The following PRKAG2 variants were observed in gnomAD, a reference collection of about 807,000 sequenced individuals.
The protein encoded by PRKAG2 is protein kinase AMP-activated non-catalytic subunit gamma 2.
A neutral mutation model predicts 69.6 loss-of-function variants in PRKAG2; 26 were observed. That is an observed-to-expected ratio of 0.37 (90% CI 0.27 to 0.52). The LOEUF (loss-of-function observed/expected upper bound fraction) is 0.52. Among genes scored for constraint, PRKAG2 ranks in the 20% least tolerant of loss-of-function variants. The pLI, the probability that PRKAG2 is intolerant of heterozygous loss-of-function variation, is 0.90. For missense variants in PRKAG2, 557 were observed against 740.0 expected (o/e 0.75, Z 2.87); for synonymous variants, 293 against 285.0 (o/e 1.03, Z -0.28).
intron 1 of PRKAG2, among the ~76,000 whole-genome samples, chr7:151,874,108 T>TGTATATGTATATGAA (rs2080295255): frequency 3.5e-5 from 5 of 144,692 alleles, no homozygotes; most frequent in African/African-American, 1.0e-4. Flanking sequence ...ATGTATATGA[T>TGTATATGTATATGAA]GTATATGTAT....
chr7:151,713,172 G>A lies in PRKAG2; in HGVS notation c.467-37535C>T, dbSNP rs138139658. Among the ~76,000 whole-genome samples the A allele has an allele frequency of 1.8e-3, 274 of 152,346 alleles. 1 individual carries two copies. The highest frequency in any genetic ancestry group is 6.4e-3 in the African/African-American group (265 of 41,584). ...GACTCAAGGGCAAAACTCCCGGAAGGACAGGGGGTCATGGAAGAAGGAATT... is the reference window on the plus strand; with the variant it reads ...GACTCAAGGGCAAAACTCCCGGAAGAACAGGGGGTCATGGAAGAAGGAATT... On this transcript the variant is annotated intron_variant, in intron 3 of 15. Transcript: ENST00000287878.
At chr7:151,682,974 G>T (rs1192330949) in intron 3 of PRKAG2, among the ~76,000 whole-genome samples, 1 of 152,244 alleles carries the variant, frequency 6.6e-6, no homozygotes, top group African/African-American at 2.4e-5. Context: ...CTGGCCAAAG[G>T]ACAGACAGGT....
chr7:151,828,742 G>A lies in PRKAG2; in HGVS notation c.115-42201C>T, dbSNP rs1190644563. 6.6e-6 allele frequency among the ~76,000 whole-genome samples: 1 copy of A among 151,002 alleles called. No individual in the cohort carries two copies. Among genetic ancestry groups the A allele is most frequent in the African/African-American group, 2.4e-5 (1 of 40,990 alleles). On this transcript the variant is annotated intron_variant, in intron 1 of 15. Transcript: ENST00000287878. The surrounding 1 kb of genome is among the most constrained non-coding windows in gnomAD (Gnocchi z 4.6). The stretch of plus-strand genomic sequence containing the variant: ...TTGAGACCAGACTGGACAACACAGC[G>A]AGACCCTGTCTTTACAAAAAAAAAA...
intron 3 of PRKAG2, among the ~76,000 whole-genome samples, chr7:151,754,480 G>C (rs546577187): frequency 6.6e-6 from 1 of 151,160 alleles, no homozygotes; most frequent in African/African-American, 2.5e-5. Flanking sequence ...GCCAGTGAGC[G>C]GGGGGCCCAG....
intron 1 of PRKAG2, among the ~76,000 whole-genome samples, chr7:151,853,099 G>C (rs2079617657): frequency 6.6e-6 from 1 of 152,278 alleles, no homozygotes; most frequent in South Asian, 2.1e-4. Flanking sequence ...GTGTCCCTCG[G>C]AGAGCTCGGG....
At chr7:151,772,995 A>G (rs991441344) in intron 3 of PRKAG2, among the ~76,000 whole-genome samples, 1 of 11,024 alleles carries the variant, frequency 9.1e-5, no homozygotes, top group Non-Finnish European at 1.3e-4. Flanking sequence ...GAAAGAAAGA[A>G]AGAAAGAAAG....
At chr7:151,860,033 C>T (rs1436454897) in intron 1 of PRKAG2, among the ~76,000 whole-genome samples, 1 of 152,186 alleles carries the variant, frequency 6.6e-6, no homozygotes, top group Admixed American at 6.5e-5. Flanking sequence ...ACGGAGGTGG[C>T]CGGGCACCTG....
At chr7:151,628,167 G>A (rs531842314) in intron 5 of PRKAG2, among the ~76,000 whole-genome samples, 2 of 152,304 alleles carry the variant, frequency 1.3e-5, no homozygotes, top group South Asian at 2.1e-4. Context: ...GGGAGAGAAT[G>A]CGGACCGCTC....
At chr7:151,627,117 T>C (rs1823144332) in intron 5 of PRKAG2, among the ~76,000 whole-genome samples, 1 of 152,188 alleles carries the variant, frequency 6.6e-6, no homozygotes, top group Admixed American at 6.5e-5. Flanking sequence ...CCTGGTTTTA[T>C]AGAGAAAACT....
chr7:151,840,991 GATTA>G (rs1426331835), intron 1 of PRKAG2, among the ~76,000 whole-genome samples: 3 of 152,274 alleles, frequency 2.0e-5, no homozygotes, highest in East Asian at 1.9e-4. Context: ...TTGGTTAATT[GATTA>G]ATTGATTGGT....
intron 3 of PRKAG2, among the ~76,000 whole-genome samples, chr7:151,715,347 A>AAAAAAAAAT (rs1461649654): frequency 1.5e-5 from 2 of 136,648 alleles, no homozygotes; most frequent in Admixed American, 7.7e-5. Context: ...AAAAAAAAAA[A>AAAAAAAAAT]ATTATTATTA....
intron 3 of PRKAG2, among the ~76,000 whole-genome samples, chr7:151,764,075 G>T (rs1211748349): frequency 6.6e-6 from 1 of 152,204 alleles, no homozygotes; most frequent in African/African-American, 2.4e-5. Flanking sequence ...GCCTGGCAGA[G>T]GAGGGAGGCA....
chr7:151,609,255 A>T (rs2151205358), intron 5 of PRKAG2, among the ~76,000 whole-genome samples: 1 of 152,320 alleles, frequency 6.6e-6, no homozygotes, highest in Admixed American at 6.5e-5. Context: ...ACAGTCATCA[A>T]TTACTTTTTC....
intron 3 of PRKAG2, among the ~76,000 whole-genome samples, chr7:151,734,635 G>C (rs1041269861): frequency 2.0e-5 from 3 of 151,952 alleles, no homozygotes; most frequent in Non-Finnish European, 4.4e-5. Context: ...CTGTAGCCTC[G>C]ACCTCCTGGG....
At chr7:151,666,644 C>T (rs186687767) in intron 4 of PRKAG2, among the ~76,000 whole-genome samples, 98 of 152,304 alleles carry the variant, frequency 6.4e-4, no homozygotes, top group African/African-American at 2.2e-3. Context: ...GAAGGCTTGA[C>T]TGGGGCTGGA....
chr7:151,868,761 C>G (rs577812442), intron 1 of PRKAG2, among the ~76,000 whole-genome samples: 74 of 152,150 alleles, frequency 4.9e-4, no homozygotes, highest in African/African-American at 1.6e-3. Context: ...TTAGCAGCCC[C>G]CATAAATGTA....
intron 1 of PRKAG2, among the ~76,000 whole-genome samples, chr7:151,843,958 A>G (rs2079370630): frequency 6.6e-6 from 1 of 152,260 alleles, no homozygotes; most frequent in African/African-American, 2.4e-5. Flanking sequence ...ATTCCAAGGA[A>G]CAGAAGCTTT....
chr7:151,807,754 C>T lies in PRKAG2; in HGVS notation c.115-21213G>A. ...AGGAAGCCAGGAGCGAGAACTCGTGCATCCGAACCCTTCTCTGACTTGGCG... is the reference window on the plus strand; with the variant it reads ...AGGAAGCCAGGAGCGAGAACTCGTGTATCCGAACCCTTCTCTGACTTGGCG... On this transcript the variant is annotated intron_variant, in intron 1 of 15. Coordinates refer to ENST00000287878, the MANE Select transcript of PRKAG2 (RefSeq NM_016203.4). The surrounding 1 kb of genome is among the most constrained non-coding windows in gnomAD (Gnocchi z 4.4). The T allele has an allele frequency of 2.7e-6, 1 of 374,446 alleles. No individual in the cohort carries two copies. The highest frequency in any genetic ancestry group is 2.0e-5 in the South Asian group (1 of 50,634). 23.2% of individuals were successfully genotyped at this position (374,446 alleles called of 1,614,324 possible). A position where few individuals can be genotyped will look rare whatever the true frequency, so the allele number is the denominator to read the frequency against.
Position 151,839,347 on chromosome 7 carries a change from G to A in PRKAG2, c.114+37160C>T, listed in dbSNP as rs138891276. The stretch of plus-strand genomic sequence containing the variant: ...GCCGGGCACCGCGGTCGGAACTCTC[G>A]TGCTGGTTTGCAGCTCAGAAGCGGT... On this transcript the variant is annotated intron_variant, in intron 1 of 15. Transcript: ENST00000287878. 4.4e-4 allele frequency among the ~76,000 whole-genome samples: 67 copies of A among 152,318 alleles called. 1 individual carries two copies. The East Asian group carries it at 8.1e-3, about 18-fold the overall frequency.
Sources: gnomAD v4.1 joint callset for allele counts (sites outside exome capture counted in the v4.1 genomes callset) on GRCh38, gnomAD v4.1.1 for gene constraint, Gnocchi (gnomAD v3.1) non-coding constraint, MANE v1.5 for transcripts, NCBI Gene and HGNC (gene_info 2026-07-23, HGNC 2026-07-21) for gene names.